The following SH3PXD2A variants were observed in gnomAD, a reference collection of about 807,000 sequenced individuals.
The protein encoded by SH3PXD2A is SH3 and PX domains 2A, also known as SH3 and PX domain-containing protein 2A.
Under a neutral mutation model 115.2 loss-of-function variants are expected in SH3PXD2A, and 32 were observed. The observed-to-expected ratio is 0.28, with a 90% CI of 0.21 to 0.37. The LOEUF (loss-of-function observed/expected upper bound fraction) is 0.37. SH3PXD2A is among the 10% of genes least tolerant of loss of function. SH3PXD2A has a pLI of 1.00. For synonymous variants in SH3PXD2A, 610 were observed against 629.1 expected, an observed-to-expected ratio of 0.97 and a Z score of 0.45; for missense variants, 1,328 against 1,498.7, an observed-to-expected ratio of 0.89 and a Z score of 1.88.
rs1381170084 is a variant in SH3PXD2A, at chr10:103,601,132, C to T, written c.*684G>A. The stretch of plus-strand genomic sequence containing the variant: ...CATGGGGTGCCCCACGGAGAGCGGG[C>T]TCTCTTCTCAAGGCCAAGACAGTGA... On this transcript the variant is annotated 3_prime_UTR_variant, in exon 15 of 15. Coordinates refer to ENST00000369774, the MANE Select transcript of SH3PXD2A (RefSeq NM_001394015.1). 6.6e-6 allele frequency: 1 copy of T among 152,266 alleles called. No individual in the cohort carries two copies. The highest frequency in any genetic ancestry group is 2.4e-5 in the African/African-American group (1 of 41,460). The allele number at this position is 152,266 out of a possible 1,614,324, so 9.4% of individuals were successfully genotyped here.
chr10:103,674,451 G>C (rs1311485217), intron 6 of SH3PXD2A, among the ~76,000 whole-genome samples: 1 of 152,196 alleles, frequency 6.6e-6, no homozygotes, highest in Non-Finnish European at 1.5e-5. Flanking sequence ...AAGCTGAGGC[G>C]TAACAGTGAA....
chr10:103,653,447 G>T (rs1308478859), intron 8 of SH3PXD2A, among the ~76,000 whole-genome samples: 1 of 152,232 alleles, frequency 6.6e-6, no homozygotes, highest in African/African-American at 2.4e-5. Flanking sequence ...CACTTCTGTG[G>T]GATTTCCAGG....
chr10:103,644,908 C>T (rs1024829315), intron 8 of SH3PXD2A, among the ~76,000 whole-genome samples: 6 of 152,174 alleles, frequency 3.9e-5, no homozygotes, highest in African/African-American at 1.2e-4. Flanking sequence ...GAGTAGGATT[C>T]GAAGCCTTTC....
At chr10:103,709,808 T>G (rs995236661) in intron 5 of SH3PXD2A, among the ~76,000 whole-genome samples, 1 of 152,142 alleles carries the variant, frequency 6.6e-6, no homozygotes, top group African/African-American at 2.4e-5. Flanking sequence ...AATTAGAGAA[T>G]TAAAACATGT....
intron 2 of SH3PXD2A, among the ~76,000 whole-genome samples, chr10:103,776,423 T>A (rs570402785): frequency 1.6e-5 from 2 of 125,796 alleles, no homozygotes; most frequent in African/African-American, 3.2e-5. Flanking sequence ...AGTGTGTGCA[T>A]GCGTGTGTGT....
At chr10:103,700,215 G>C (rs59089662) in intron 5 of SH3PXD2A, among the ~76,000 whole-genome samples, 1 of 152,238 alleles carries the variant, frequency 6.6e-6, no homozygotes, top group African/African-American at 2.4e-5. Flanking sequence ...CCCTGGTTCA[G>C]CCACCTAGTG....
chr10:103,754,385 A>G (rs1309467001), intron 3 of SH3PXD2A: 1 of 151,848 alleles, frequency 6.6e-6, no homozygotes, highest in Non-Finnish European at 1.5e-5. Context: ...TATTTTGTTG[A>G]CTTAACTTTT....
intron 1 of SH3PXD2A, among the ~76,000 whole-genome samples, chr10:103,840,402 T>C (rs1417760484): frequency 1.3e-5 from 2 of 151,820 alleles, no homozygotes; most frequent in Non-Finnish European, 2.9e-5. Context: ...GCCCACCCCC[T>C]GCAGTGTCAG....
chr10:103,628,191 G>A (rs1054579238), intron 8 of SH3PXD2A, among the ~76,000 whole-genome samples: 3 of 152,182 alleles, frequency 2.0e-5, no homozygotes, highest in Admixed American at 6.5e-5. Context: ...CGGAGAGGAG[G>A]GGAAAACCGC....
intron 1 of SH3PXD2A, among the ~76,000 whole-genome samples, chr10:103,853,197 C>T (rs950275609): frequency 1.3e-5 from 2 of 152,200 alleles, no homozygotes; most frequent in South Asian, 2.1e-4. Context: ...ATGATCATTT[C>T]GAGGGAACTG....
At chr10:103,661,210 T>G in intron 7 of SH3PXD2A, 96 bp from the exon 8 acceptor site, 1 of 1,428,664 alleles carries the variant, frequency 7.0e-7, no homozygotes, top group Non-Finnish European at 9.4e-7. Flanking sequence ...GGGTGGCTGC[T>G]CTGTCGCCAG....
At position 103,830,329 on chromosome 10, in the gene SH3PXD2A, A is replaced by G. The variant is rs555670328; in HGVS notation, c.72+24866T>C. ...AGATTAAAACTCACTATGTCTTCCA[A>G]TGTAGGCTGAATCGGTCCTTAGGGA... On this transcript the variant is annotated intron_variant, in intron 1 of 14. Coordinates refer to ENST00000369774, the MANE Select transcript of SH3PXD2A (RefSeq NM_001394015.1). 3.3e-5 allele frequency among the ~76,000 whole-genome samples: 5 copies of G among 152,348 alleles called. No homozygotes were observed. The South Asian group carries it at 8.3e-4, about 25-fold the overall frequency.
At chr10:103,828,209 AAGTT>A (rs972137368) in intron 1 of SH3PXD2A, among the ~76,000 whole-genome samples, 10 of 152,328 alleles carry the variant, frequency 6.6e-5, no homozygotes, top group Admixed American at 6.5e-4. Context: ...TAGGGAGAGA[AAGTT>A]AGTAAGCGAG....
At chr10:103,768,646 G>A (rs187879988) in intron 2 of SH3PXD2A, among the ~76,000 whole-genome samples, 4 of 152,310 alleles carry the variant, frequency 2.6e-5, no homozygotes, top group Admixed American at 2.0e-4. Context: ...TAGCTACGGC[G>A]TAGGGAATGG....
chr10:103,612,776 C>T, intron 12 of SH3PXD2A, 77 bp downstream of exon 12: 1 of 1,042,896 alleles, frequency 9.6e-7, no homozygotes, highest in Middle Eastern at 3.1e-4. Flanking sequence ...CTGTGCACCC[C>T]CCTGGCTTTC....
rs139773955 is a variant in SH3PXD2A at position 103,602,018 on chromosome 10, T to C, written c.3200A>G (p.Gln1067Arg). ...ATCTTTGAGGTTATTGTGGATGAAC[T>C]GAGACTTCTCGATGGGCTTGGGGCG... ...PVRPKPIEKS[Q>R]FIHNNLKDVY... Residue 1067 changes from glutamine (Q) to arginine (R), a missense_variant, in exon 15 of 15, where the codon CAG (glutamine) becomes CGG (arginine). Transcript: ENST00000369774. The C allele has an allele frequency of 9.4e-5, 151 of 1,613,480 alleles. 2 individuals are homozygous for C. Among genetic ancestry groups the C allele is most frequent in the East Asian group, 9.1e-4 (41 of 44,854 alleles).
chr10:103,605,698 T>TGCCC, intron 14 of SH3PXD2A, 100 bp downstream of exon 14: 3 of 1,439,140 alleles, frequency 2.1e-6, no homozygotes, highest in Admixed American at 1.7e-5. Flanking sequence ...CCTGCCTGCC[T>TGCCC]GCCCCTCAGG....
intron 1 of SH3PXD2A, among the ~76,000 whole-genome samples, chr10:103,838,398 C>A (rs183898488): frequency 1.4e-4 from 22 of 152,306 alleles, no homozygotes; most frequent in African/African-American, 5.3e-4. Context: ...CTCATATTAA[C>A]GGAAGAGGAA....
intron 13 of SH3PXD2A, among the ~76,000 whole-genome samples, chr10:103,608,097 C>T (rs1730744277): frequency 7.1e-6 from 1 of 140,990 alleles, no homozygotes; most frequent in African/African-American, 2.7e-5. Flanking sequence ...CCACTATTGT[C>T]CTATGACCCT....
Sources: gnomAD v4.1 joint callset for allele counts (sites outside exome capture counted in the v4.1 genomes callset) on GRCh38, gnomAD v4.1.1 for gene constraint, MANE v1.5 for transcripts, NCBI Gene and HGNC (gene_info 2026-07-23, HGNC 2026-07-21) for gene names.